The following KCNH1 variants were observed in gnomAD, a reference collection of about 807,000 sequenced individuals.
KCNH1 encodes the protein potassium voltage-gated channel subfamily H member 1, also known as voltage-gated delayed rectifier potassium channel KCNH1.
Under a neutral mutation model 69.2 loss-of-function variants are expected in KCNH1, and 27 were observed. The ratio of observed to expected loss-of-function variants is 0.39; its 90% CI spans 0.29 to 0.54. The LOEUF (loss-of-function observed/expected upper bound fraction) is 0.54, where lower values mean the gene tolerates loss of function less well. Among genes scored for constraint, KCNH1 ranks in the 20% least tolerant of loss-of-function variants. The pLI is 0.68. For synonymous variants in KCNH1, 456 were observed against 487.7 expected, an observed-to-expected ratio of 0.93 and a Z score of 0.86; for missense variants, 798 against 1,261.6, an observed-to-expected ratio of 0.63 and a Z score of 5.57.
At chr1:211,021,470 G>A (rs1175509237) in intron 5 of KCNH1, among the ~76,000 whole-genome samples, 1 of 151,968 alleles carries the variant, frequency 6.6e-6, no homozygotes, top group Non-Finnish European at 1.5e-5. Context: ...GTCCCAGACA[G>A]AACAATTAGG....
At chr1:210,743,138 A>AGAAGAAAGAGG (rs756260591) in intron 10 of KCNH1, among the ~76,000 whole-genome samples, 57 of 152,298 alleles carry the variant, frequency 3.7e-4, no homozygotes, top group Non-Finnish European at 6.2e-4. Flanking sequence ...CATGGGGAGT[A>AGAAGAAAGAGG]GAAGAAAGAG....
intron 10 of KCNH1, among the ~76,000 whole-genome samples, chr1:210,734,530 C>A (rs1233691123): frequency 6.6e-6 from 1 of 152,170 alleles, no homozygotes; most frequent in African/African-American, 2.4e-5. Context: ...CTAAATAAAG[C>A]ATGTTTTTAT....
rs1021291657 is a variant in KCNH1 at position 210,861,153 on chromosome 1, T to C, written c.1463-56987A>G. 4.4e-6 allele frequency: 4 copies of C among 914,070 alleles called. No homozygotes were observed. The South Asian group carries it at 5.2e-5, about 12-fold the overall frequency. 56.6% of individuals were successfully genotyped at this position (914,070 alleles called of 1,614,324 possible). A position where few individuals can be genotyped will look rare whatever the true frequency, so the allele number is the denominator to read the frequency against. On this transcript the variant is annotated intron_variant, in intron 7 of 10. Transcript: ENST00000271751. ...TCAGACACATCAAACTTCATGCGTA[T>C]ATACTCGTAAGGGTCTTCTTCCCAA...
rs1687599135 is a variant in KCNH1, at chr1:210,927,653, GAAAAAAAAGATATTCAGGCAACA to G, written c.1033-7607_1033-7585del. ...AGGACATATATAACAGTAACACAATGAAAAAAAAGATATTCAGGCAACAAATACATGATGAATAGAATAATACC... is the reference window on the plus strand; with the variant it reads ...AGGACATATATAACAGTAACACAATGAATACATGATGAATAGAATAATACC... On this transcript the variant is annotated intron_variant, in intron 6 of 10. Transcript: ENST00000271751. 7.3e-5 allele frequency among the ~76,000 whole-genome samples: 11 copies of G among 151,288 alleles called. No homozygotes were observed. In the South Asian group the frequency reaches 2.3e-3, roughly 32 times the overall value.
At chr1:211,070,429 A>C (rs1690618867) in intron 5 of KCNH1, among the ~76,000 whole-genome samples, 1 of 131,166 alleles carries the variant, frequency 7.6e-6, no homozygotes, top group South Asian at 2.6e-4. Context: ...AAAAAAAAAA[A>C]AACACACACA....
intron 5 of KCNH1, among the ~76,000 whole-genome samples, chr1:211,058,089 T>C (rs1690347594): frequency 6.6e-6 from 1 of 152,150 alleles, no homozygotes; most frequent in Non-Finnish European, 1.5e-5. Context: ...AAAAATTTCT[T>C]ATCCTATGAT....
intron 6 of KCNH1, among the ~76,000 whole-genome samples, chr1:210,970,610 C>T (rs1002688241): frequency 2.0e-5 from 3 of 152,142 alleles, no homozygotes; most frequent in Non-Finnish European, 4.4e-5. Flanking sequence ...AACTGGATCT[C>T]TTCCTCACAC....
At chr1:211,077,182 C>T (rs528930489) in intron 5 of KCNH1, among the ~76,000 whole-genome samples, 13 of 152,292 alleles carry the variant, frequency 8.5e-5, no homozygotes, top group Non-Finnish European at 1.6e-4. Context: ...TTGGAAAACA[C>T]TCTGCAGGAT....
chr1:210,942,771 A>T (rs1332836354), intron 6 of KCNH1, among the ~76,000 whole-genome samples: 3 of 127,726 alleles, frequency 2.3e-5, no homozygotes, highest in African/African-American at 5.8e-5. Context: ...TAAGGTTATT[A>T]AAAAAAAAAA....
At chr1:210,866,131 G>A (rs137856821) in intron 7 of KCNH1, among the ~76,000 whole-genome samples, 3 of 152,294 alleles carry the variant, frequency 2.0e-5, no homozygotes, top group African/African-American at 7.2e-5. Flanking sequence ...ATGGATGATA[G>A]TCTTAATTGT....
At chr1:211,123,936 G>C (rs1691733462) in intron 1 of KCNH1, among the ~76,000 whole-genome samples, 6 of 152,110 alleles carry the variant, frequency 3.9e-5, no homozygotes, top group Admixed American at 3.9e-4. Context: ...GAAGCTGGAG[G>C]GGAGGAGACA....
At chr1:210,956,185 G>A (rs1179470169) in intron 6 of KCNH1, among the ~76,000 whole-genome samples, 1 of 152,168 alleles carries the variant, frequency 6.6e-6, no homozygotes, top group African/African-American at 2.4e-5. Context: ...CGTTGGTTCT[G>A]TTTATGTGAT....
At chr1:210,917,272 A>AAAGAAAGAAAGG (rs1687363926) in intron 7 of KCNH1, among the ~76,000 whole-genome samples, 10 of 149,336 alleles carry the variant, frequency 6.7e-5, no homozygotes, top group African/African-American at 2.5e-4. Context: ...AGAAAGAAAG[A>AAAGAAAGAAAGG]AAGAAAGAAA....
At chr1:211,001,920 C>T (rs1286521332) in intron 6 of KCNH1, among the ~76,000 whole-genome samples, 1 of 151,676 alleles carries the variant, frequency 6.6e-6, no homozygotes, top group Non-Finnish European at 1.5e-5. Context: ...GGACAAAAAA[C>T]CAAACACCAC....
intron 10 of KCNH1, among the ~76,000 whole-genome samples, chr1:210,736,994 C>G (rs1167311672): frequency 6.6e-6 from 1 of 152,200 alleles, no homozygotes; most frequent in Non-Finnish European, 1.5e-5. Flanking sequence ...CATGATTCAG[C>G]TCTTGCTAAA....
chr1:210,735,772 C>G (rs1682862786), intron 10 of KCNH1, among the ~76,000 whole-genome samples: 1 of 151,370 alleles, frequency 6.6e-6, no homozygotes, highest in South Asian at 2.1e-4. Context: ...TACACACATG[C>G]ACATGCATGC....
chr1:211,018,776 G>A lies in KCNH1; in HGVS notation c.1032+7C>T. 1 of 1,585,204 alleles carries A rather than the reference G, an allele frequency of 6.3e-7. No homozygotes were observed. The highest frequency in any genetic ancestry group is 8.6e-7 in the Non-Finnish European group (1 of 1,163,764). On this transcript the variant is annotated splice_region_variant and intron_variant, in intron 6 of 10. Coordinates refer to ENST00000271751, the MANE Select transcript of KCNH1 (RefSeq NM_172362.3). ...TGACAACAAGGTCTGAGATTTGAGG[G>A]ATGTACCTGACTCTCTCTCCCCTCC...
At chr1:211,067,303 G>A (rs1690550121) in intron 5 of KCNH1, among the ~76,000 whole-genome samples, 1 of 152,216 alleles carries the variant, frequency 6.6e-6, no homozygotes, top group African/African-American at 2.4e-5. Flanking sequence ...CAGCTTCAGG[G>A]ACTGCAATTA....
In KCNH1 at chr1:210,783,928, C is replaced by T. The variant is rs1013764431; in HGVS notation, c.1916-8384G>A. 2.6e-5 allele frequency among the ~76,000 whole-genome samples: 4 copies of T among 152,148 alleles called. No homozygotes were observed. The East Asian group carries it at 7.7e-4, about 29-fold the overall frequency. On this transcript the variant is annotated intron_variant, in intron 9 of 10. Coordinates refer to ENST00000271751, the MANE Select transcript of KCNH1 (RefSeq NM_172362.3). ...GTATATACAAAGGTGCTTTTTTCAC[C>T]TGCTCTAAGAAAAAGCATGAGCTTC...
Sources: allele counts gnomAD v4.1 joint callset (sites outside exome capture counted in the v4.1 genomes callset), GRCh38; gene constraint gnomAD v4.1.1; transcripts MANE v1.5; gene names NCBI Gene and HGNC (gene_info 2026-07-23, HGNC 2026-07-21).